Variants in DIAPH3 observed in about 807,000 individuals in gnomAD.
DIAPH3 encodes the protein diaphanous related formin 3, also known as protein diaphanous homolog 3.
Under a neutral mutation model 144.3 loss-of-function variants are expected in DIAPH3, and 117 were observed. That is an observed-to-expected ratio of 0.81 (90% CI 0.70 to 0.95). The LOEUF (loss-of-function observed/expected upper bound fraction) is 0.95. DIAPH3 is among the 40% of genes least tolerant of loss of function. The probability of loss-of-function intolerance (pLI) is 0.00; values close to 1 mark genes in which losing one functional copy is unlikely to be tolerated. For missense variants in DIAPH3, 1,421 were observed against 1,412.7 expected, an observed-to-expected ratio of 1.01 and a Z score of -0.09; for synonymous variants, 519 against 488.9, an observed-to-expected ratio of 1.06 and a Z score of -0.81.
intron 27 of DIAPH3, among the ~76,000 whole-genome samples, chr13:59,699,909 A>C (rs967085563): frequency 5.9e-5 from 9 of 152,160 alleles, no homozygotes; most frequent in African/African-American, 1.9e-4. Flanking sequence ...CACTTCCCTG[A>C]GGGAGAGAGC....
chr13:59,768,055 TATAAG>T (rs1180398945), intron 27 of DIAPH3, among the ~76,000 whole-genome samples: 2 of 152,152 alleles, frequency 1.3e-5, no homozygotes, highest in East Asian at 3.9e-4. Context: ...ACATGGTAAA[TATAAG>T]AGACTGATGT....
chr13:59,733,498 GA>G (rs1173488405), intron 27 of DIAPH3, among the ~76,000 whole-genome samples: 1 of 151,946 alleles, frequency 6.6e-6, no homozygotes, highest in African/African-American at 2.4e-5. Flanking sequence ...TCAGATTTCT[GA>G]AAAAAAGTCC....
intron 17 of DIAPH3, among the ~76,000 whole-genome samples, chr13:59,962,314 A>G (rs371099687): frequency 1.1e-3 from 171 of 152,340 alleles, no homozygotes; most frequent in Non-Finnish European, 1.7e-3. Flanking sequence ...CAAAGGAAGT[A>G]AATTATACTT....
At chr13:60,136,742 T>C (rs945105495) in intron 1 of DIAPH3, among the ~76,000 whole-genome samples, 93 of 151,876 alleles carry the variant, frequency 6.1e-4, no homozygotes, top group African/African-American at 2.2e-3. Flanking sequence ...GAGACCATCC[T>C]GGCTAACACA....
intron 27 of DIAPH3, among the ~76,000 whole-genome samples, chr13:59,769,777 C>A (rs570044653): frequency 6.6e-6 from 1 of 152,124 alleles, no homozygotes; most frequent in South Asian, 2.1e-4. Context: ...CCATCTGGTA[C>A]CTTAAACTGG....
intron 25 of DIAPH3, among the ~76,000 whole-genome samples, chr13:59,788,957 C>T (rs1331720475): frequency 1.3e-5 from 2 of 152,090 alleles, no homozygotes; most frequent in African/African-American, 4.8e-5. Flanking sequence ...TTCAAGTAAC[C>T]CACTCTGATG....
At chr13:59,815,847 T>G (rs2040742421) in intron 24 of DIAPH3, among the ~76,000 whole-genome samples, 1 of 152,156 alleles carries the variant, frequency 6.6e-6, no homozygotes, top group South Asian at 2.1e-4. Context: ...ATTCATAGAG[T>G]GCTATAATGT....
At chr13:59,779,803 C>T (rs1182047325) in intron 25 of DIAPH3, among the ~76,000 whole-genome samples, 2 of 152,012 alleles carry the variant, frequency 1.3e-5, no homozygotes, top group South Asian at 2.1e-4. Flanking sequence ...TGAGAGTCAC[C>T]GCGCACGGCC....
intron 7 of DIAPH3, among the ~76,000 whole-genome samples, chr13:60,014,707 C>T (rs1020205800): frequency 1.3e-5 from 2 of 151,974 alleles, no homozygotes; most frequent in Non-Finnish European, 2.9e-5. Context: ...CAGAAATATA[C>T]AGATGCTTTT....
chr13:59,861,209 TCTAA>T (rs1381608677), intron 22 of DIAPH3, 194 bp downstream of exon 22: 75 of 1,474,176 alleles, frequency 5.1e-5, no homozygotes, highest in Non-Finnish European at 6.3e-5. Flanking sequence ...GGCCTCATCA[TCTAA>T]CTAAACAAAT....
intron 22 of DIAPH3, 152 bp from the exon 23 acceptor site, chr13:59,839,600 A>G: frequency 1.3e-6 from 1 of 768,136 alleles, no homozygotes; most frequent in Non-Finnish European, 1.9e-6. Context: ...TTAACCTTTC[A>G]ATTTAAAATC....
At chr13:60,139,325 G>T (rs1057299119) in intron 1 of DIAPH3, among the ~76,000 whole-genome samples, 2 of 152,142 alleles carry the variant, frequency 1.3e-5, no homozygotes, top group African/African-American at 4.8e-5. Flanking sequence ...AAAGTGAAAG[G>T]GGAGATGTTA....
At chr13:59,980,573 A>G (rs1407810923) in intron 14 of DIAPH3, among the ~76,000 whole-genome samples, 1 of 151,636 alleles carries the variant, frequency 6.6e-6, no homozygotes, top group Non-Finnish European at 1.5e-5. Context: ...GATGATAAAT[A>G]CATTCAAAGA....
chr13:59,901,406 A>C (rs1271513822), intron 20 of DIAPH3, among the ~76,000 whole-genome samples: 1 of 152,126 alleles, frequency 6.6e-6, no homozygotes, highest in East Asian at 1.9e-4. Context: ...TGCTTCCTTG[A>C]GATATCCACA....
At position 59,870,934 on chromosome 13, in the gene DIAPH3, T is replaced by TGCAA. The variant is rs745628333; in HGVS notation, c.2607+8294_2607+8295insTTGC. On this transcript the variant is annotated intron_variant, in intron 21 of 27. Transcript: ENST00000400324. ...ATCTGCCCGCCTCAGCCTCCCAAAGTGCTTGGATTACAGGCATGAGCCACC... is the reference window on the plus strand; with the variant it reads ...ATCTGCCCGCCTCAGCCTCCCAAAGTGCAAGCTTGGATTACAGGCATGAGCCACC... 1.0e-3 allele frequency among the ~76,000 whole-genome samples: 152 copies of TGCAA among 151,896 alleles called. 1 individual carries two copies. Among genetic ancestry groups the TGCAA allele is most frequent in the Middle Eastern group, 3.5e-3 (1 of 288 alleles).
chr13:59,739,771 A>G (rs2036352510), intron 27 of DIAPH3, among the ~76,000 whole-genome samples: 1 of 152,166 alleles, frequency 6.6e-6, no homozygotes, highest in Non-Finnish European at 1.5e-5. Context: ...GCACTACTCA[A>G]ACATAATGGA....
intron 4 of DIAPH3, among the ~76,000 whole-genome samples, chr13:60,052,150 T>C (rs1432281241): frequency 1.3e-5 from 2 of 151,382 alleles, no homozygotes. Flanking sequence ...GATCTGAGGG[T>C]GTTAAGTATA....
chr13:60,084,836 G>A (rs1400332947), intron 4 of DIAPH3, among the ~76,000 whole-genome samples: 1 of 152,042 alleles, frequency 6.6e-6, no homozygotes, highest in Non-Finnish European at 1.5e-5. Context: ...ATTGTCTTGA[G>A]GGTTGTGGGG....
intron 2 of DIAPH3, among the ~76,000 whole-genome samples, chr13:60,130,978 T>C (rs2059123417): frequency 3.3e-5 from 5 of 152,264 alleles, no homozygotes; most frequent in Middle Eastern, 3.4e-3. Flanking sequence ...CCTATGACTC[T>C]AGTTTCTAAA....
Sources: gnomAD v4.1 joint callset for allele counts (sites outside exome capture counted in the v4.1 genomes callset) on GRCh38, gnomAD v4.1.1 for gene constraint, MANE v1.5 for transcripts, NCBI Gene and HGNC (gene_info 2026-07-23, HGNC 2026-07-21) for gene names.